The following CADM2 variants were observed in gnomAD, a reference collection of about 807,000 sequenced individuals.
CADM2 encodes immunoglobulin superfamily member 4D.
A neutral mutation model predicts 49.8 loss-of-function variants in CADM2; 12 were observed. The ratio of observed to expected loss-of-function variants is 0.24; its 90% CI spans 0.15 to 0.39. The LOEUF (loss-of-function observed/expected upper bound fraction) is 0.39. CADM2 is among the 10% of genes least tolerant of loss of function. The pLI is 1.00. For synonymous variants in CADM2, 214 were observed against 175.4 expected, an observed-to-expected ratio of 1.22 and a Z score of -1.74; for missense variants, 378 against 492.3, an observed-to-expected ratio of 0.77 and a Z score of 2.20.
At chr3:85,368,317 A>G (rs1234763097) in intron 1 of CADM2, among the ~76,000 whole-genome samples, 1 of 152,072 alleles carries the variant, frequency 6.6e-6, no homozygotes, top group African/African-American at 2.4e-5. Context: ...GCAAAAAATG[A>G]CAGTGTTGAA....
At chr3:85,370,404 A>G (rs572063856) in intron 1 of CADM2, among the ~76,000 whole-genome samples, 1 of 151,376 alleles carries the variant, frequency 6.6e-6, no homozygotes, top group South Asian at 2.1e-4. Context: ...CCTGGGTGAC[A>G]GAGTGAGACT....
In CADM2 at chr3:85,327,587, CACCA is replaced by C. The variant is rs141172690; in HGVS notation, c.61+367920_61+367923del. Among the ~76,000 whole-genome samples the C allele has an allele frequency of 5.5e-3, 794 of 144,998 alleles. 3 individuals are homozygous for C. Among genetic ancestry groups the C allele is most frequent in the Middle Eastern group, 0.021 (6 of 288 alleles). ...ACACACACACACACACACACACACA[CACCA>C]CACACACACACACATAAACTATATG... is the stretch of plus-strand genomic sequence containing the variant. On this transcript the variant is annotated intron_variant, in intron 1 of 9. Transcript: ENST00000383699.
intron 1 of CADM2, among the ~76,000 whole-genome samples, chr3:85,477,846 T>G (rs1046437007): frequency 6.6e-6 from 1 of 151,932 alleles, no homozygotes. Context: ...GGCTGTATCC[T>G]CATAAACTAG....
intron 1 of CADM2, among the ~76,000 whole-genome samples, chr3:85,447,115 A>G (rs187126181): frequency 6.8e-6 from 1 of 147,702 alleles, no homozygotes; most frequent in East Asian, 2.0e-4. Flanking sequence ...CTTTGGGTTG[A>G]ATTGTTGTGT....
At chr3:85,584,096 G>A (rs1415566558) in intron 1 of CADM2, among the ~76,000 whole-genome samples, 1 of 151,966 alleles carries the variant, frequency 6.6e-6, no homozygotes, top group Non-Finnish European at 1.5e-5. Flanking sequence ...GTAGAATTGA[G>A]AAACTATTTT....
chr3:85,928,611 A>G (rs1418670808), intron 6 of CADM2, among the ~76,000 whole-genome samples: 2 of 152,206 alleles, frequency 1.3e-5, no homozygotes, highest in East Asian at 3.8e-4. Flanking sequence ...TTTTATAGAC[A>G]TTCTAAAGAA....
At chr3:85,807,895 T>C (rs2072554357) in intron 3 of CADM2, among the ~76,000 whole-genome samples, 1 of 152,198 alleles carries the variant, frequency 6.6e-6, no homozygotes. Flanking sequence ...AAATGATTTT[T>C]TTTTACCATT....
At chr3:85,703,660 T>C (rs540066521) in intron 1 of CADM2, among the ~76,000 whole-genome samples, 1 of 152,278 alleles carries the variant, frequency 6.6e-6, no homozygotes, top group South Asian at 2.1e-4. Flanking sequence ...ACATAAAACC[T>C]AGTTACCAGG....
intron 2 of CADM2, among the ~76,000 whole-genome samples, chr3:85,733,209 T>A (rs1308989525): frequency 6.6e-6 from 1 of 152,186 alleles, no homozygotes; most frequent in Admixed American, 6.5e-5. Flanking sequence ...AGTTTCTCAA[T>A]AAGATGAGTA....
chr3:85,192,200 C>T (rs1469492314), intron 1 of CADM2, among the ~76,000 whole-genome samples: 1 of 151,828 alleles, frequency 6.6e-6, no homozygotes. Flanking sequence ...TTAGGACACA[C>T]AAAATTTAAT....
chr3:85,648,438 A>G (rs902449803), intron 1 of CADM2, among the ~76,000 whole-genome samples: 6 of 151,950 alleles, frequency 3.9e-5, no homozygotes, highest in African/African-American at 1.4e-4. Flanking sequence ...GGAACCAGAA[A>G]GGGTTTAATG....
intron 1 of CADM2, among the ~76,000 whole-genome samples, chr3:85,587,896 C>T (rs929301052): frequency 2.0e-5 from 3 of 151,962 alleles, no homozygotes; most frequent in Admixed American, 6.6e-5. Flanking sequence ...AGACACGCGT[C>T]ACCATCCTCA....
chr3:86,055,451 CTTTTTTTTTTTT>C (rs57606781), intron 8 of CADM2, among the ~76,000 whole-genome samples: 61 of 87,502 alleles, frequency 7.0e-4, no homozygotes, highest in East Asian at 2.9e-3. Flanking sequence ...GGCATCCCCT[CTTTTTTTTTTTT>C]TTTTTTTTTT....
intron 1 of CADM2, among the ~76,000 whole-genome samples, chr3:85,112,619 A>C (rs2038500769): frequency 6.6e-6 from 1 of 151,846 alleles, no homozygotes; most frequent in Non-Finnish European, 1.5e-5. Flanking sequence ...CTTCAGTACT[A>C]TATATAAAAT....
chr3:85,909,401 A>AAT (rs59251646), intron 5 of CADM2, among the ~76,000 whole-genome samples: 3,943 of 147,344 alleles, frequency 0.027, 75 homozygotes, highest in Middle Eastern at 0.071. Context: ...TGTAAAATGA[A>AAT]ATATATATAT....
chr3:85,383,110 G>C (rs1255226325), intron 1 of CADM2, among the ~76,000 whole-genome samples: 1 of 152,064 alleles, frequency 6.6e-6, no homozygotes, highest in African/African-American at 2.4e-5. Flanking sequence ...TTCAAATAAG[G>C]CAACCTCCAA....
In CADM2 at chr3:85,541,748, A is replaced by ATATATTTTATATATATATTT. The variant is rs1441749105; in HGVS notation, c.62-184755_62-184736dup. Among the ~76,000 whole-genome samples the ATATATTTTATATATATATTT allele has an allele frequency of 1.8e-3, 48 of 26,966 alleles. 1 individual carries two copies. The highest frequency in any genetic ancestry group is 3.0e-3 in the African/African-American group (47 of 15,646). The allele number at this position is 26,966 out of a possible 152,430, so 17.7% of individuals were successfully genotyped here. On this transcript the variant is annotated intron_variant, in intron 1 of 9. Coordinates refer to ENST00000383699, the MANE Select transcript of CADM2 (RefSeq NM_001167675.2). ...TATATATATTTTATATATATATTTT[A>ATATATTTTATATATATATTT]TATATTTTATATATATATTTTATAT...
intron 5 of CADM2, among the ~76,000 whole-genome samples, chr3:85,910,833 C>G (rs1441579362): frequency 6.6e-6 from 1 of 151,910 alleles, no homozygotes; most frequent in Non-Finnish European, 1.5e-5. Flanking sequence ...TAATCTCTTA[C>G]TAATGTTTAT....
At chr3:85,627,106 T>G (rs1374395028) in intron 1 of CADM2, among the ~76,000 whole-genome samples, 5 of 152,056 alleles carry the variant, frequency 3.3e-5, no homozygotes, top group Non-Finnish European at 7.4e-5. Context: ...ATTAAATTTT[T>G]TTTTTAAAAA....
Sources: gnomAD v4.1 joint callset for allele counts (sites outside exome capture counted in the v4.1 genomes callset) on GRCh38, gnomAD v4.1.1 for gene constraint, MANE v1.5 for transcripts, NCBI Gene and HGNC (gene_info 2026-07-23, HGNC 2026-07-21) for gene names.